The following GTPBP10 variants were observed in gnomAD, a reference collection of about 807,000 sequenced individuals.
The protein encoded by GTPBP10 is GTP binding protein 10, also known as GTP-binding protein 10.
In GTPBP10, 38 loss-of-function variants were observed where a neutral mutation model predicts 44.8. That is an observed-to-expected ratio of 0.85 (90% CI 0.65 to 1.11). The LOEUF (loss-of-function observed/expected upper bound fraction) is 1.11. Among genes scored for constraint, GTPBP10 ranks in the 50% most tolerant of loss-of-function variants. The pLI is 0.00. For synonymous variants in GTPBP10, 152 were observed against 150.6 expected (o/e 1.01, Z -0.07); for missense variants, 462 against 453.7 (o/e 1.02, Z -0.17).
intron 4 of GTPBP10, among the ~76,000 whole-genome samples, chr7:90,359,543 G>A (rs758739678): frequency 3.3e-5 from 5 of 152,120 alleles, no homozygotes; most frequent in Non-Finnish European, 5.9e-5. Context: ...GTCTATCATT[G>A]ATGGACATTT....
rs904855575 is a variant in GTPBP10, at chr7:90,390,829, T to C, written c.*5675T>C. 6.6e-6 allele frequency: 1 copy of C among 152,166 alleles called. No homozygotes were observed. Among genetic ancestry groups the C allele is most frequent in the African/African-American group, 2.4e-5 (1 of 41,452 alleles). The allele number at this position is 152,166 out of a possible 1,614,324, so 9.4% of individuals were successfully genotyped here. ...TGGTATTATTTCTATATAAAAGGCT[T>C]TAAGAAGACTATAGTATAATTTTCT... is the stretch of plus-strand genomic sequence containing the variant. On this transcript the variant is annotated 3_prime_UTR_variant, in exon 10 of 10. Transcript: ENST00000222511.
intron 5 of GTPBP10, among the ~76,000 whole-genome samples, chr7:90,373,457 T>G (rs1796296102): frequency 6.6e-6 from 1 of 152,290 alleles, no homozygotes; most frequent in Non-Finnish European, 1.5e-5. Flanking sequence ...CAGAATGCCA[T>G]TAACTTGGAA....
At chr7:90,377,436 T>C (rs947709902) in intron 6 of GTPBP10, 71 bp from the exon 7 acceptor site, 2 of 958,542 alleles carry the variant, frequency 2.1e-6, no homozygotes, top group African/African-American at 3.3e-5. Context: ...ATCTTAAAAA[T>C]TTTGGGATGT....
chr7:90,346,771 A>T lies in GTPBP10; in HGVS notation c.30A>T (p.Arg10Ser), dbSNP rs778015705. The T allele has an allele frequency of 6.2e-7, 1 of 1,614,160 alleles. No homozygotes were observed. The highest frequency in any genetic ancestry group is 1.1e-5 in the South Asian group (1 of 91,078). The change falls in exon 1 of 10, where the codon AGA (arginine) becomes AGT (serine). Residue 10 changes from arginine (R) to serine (S), a missense_variant. Physicochemically the swap from Arg to Ser is moderately radical, Grantham distance 110. Transcript: ENST00000222511. MVHCSCVLFRKYGNFIDKLR... is the reference protein window; with the variant it reads MVHCSCVLFSKYGNFIDKLR... Reference sequence around the variant, plus strand: ...TGCATTGCAGTTGCGTGTTGTTCAGAAAGGTCCGTGCGGGTCCCCTCAGCC... The same window carrying T: ...TGCATTGCAGTTGCGTGTTGTTCAGTAAGGTCCGTGCGGGTCCCCTCAGCC...
At chr7:90,367,396 T>C (rs943840809) in intron 4 of GTPBP10, among the ~76,000 whole-genome samples, 1 of 152,148 alleles carries the variant, frequency 6.6e-6, no homozygotes, top group African/African-American at 2.4e-5. Context: ...AGTCTCCCAT[T>C]ATTATTGTGT....
chr7:90,370,228 A>G (rs1184377006), intron 4 of GTPBP10, among the ~76,000 whole-genome samples: 1 of 152,184 alleles, frequency 6.6e-6, no homozygotes, highest in Non-Finnish European at 1.5e-5. Context: ...AAAAGAAGTC[A>G]TTATATTAAA....
chr7:90,376,639 C>T (rs1473998544), intron 6 of GTPBP10, among the ~76,000 whole-genome samples: 1 of 152,182 alleles, frequency 6.6e-6, no homozygotes, highest in Non-Finnish European at 1.5e-5. Flanking sequence ...GAGAATCACA[C>T]CTCTATTAAT....
rs985764437 is a variant in GTPBP10 at position 90,385,683 on chromosome 7, C to T, written c.*529C>T. 1 of 151,740 alleles carries T rather than the reference C, an allele frequency of 6.6e-6. No individual in the cohort carries two copies. The highest frequency in any genetic ancestry group is 2.4e-5 in the African/African-American group (1 of 41,290). The allele number at this position is 151,740 out of a possible 1,614,324, so 9.4% of individuals were successfully genotyped here. A position where few individuals can be genotyped will look rare whatever the true frequency, so the allele number is the denominator to read the frequency against. On this transcript the variant is annotated 3_prime_UTR_variant, in exon 10 of 10. Coordinates refer to ENST00000222511, the MANE Select transcript of GTPBP10 (RefSeq NM_033107.4). Reference sequence around the variant, plus strand: ...ACAGATCTTTTTTTTAGTATTATTACCTTCTGATATATGTGTCATTATTGA... The same window carrying T: ...ACAGATCTTTTTTTTAGTATTATTATCTTCTGATATATGTGTCATTATTGA...
chr7:90,387,005 A>T lies in GTPBP10; in HGVS notation c.*1851A>T, dbSNP rs1796535507. On this transcript the variant is annotated 3_prime_UTR_variant, in exon 10 of 10. Transcript: ENST00000222511. ...GAATTCATTATATAAATTTTTTCCA[A>T]CTTAGTGTTTTTTTACATAATAGTA... The T allele has an allele frequency of 6.6e-6, 1 of 152,150 alleles. No homozygotes were observed. Among genetic ancestry groups the T allele is most frequent in the African/African-American group, 2.4e-5 (1 of 41,442 alleles). The allele number at this position is 152,150 out of a possible 1,614,324, so 9.4% of individuals were successfully genotyped here.
intron 4 of GTPBP10, among the ~76,000 whole-genome samples, chr7:90,366,371 C>T (rs948014765): frequency 3.9e-5 from 6 of 152,102 alleles, no homozygotes; most frequent in African/African-American, 1.4e-4. Flanking sequence ...CCTCTTTGTA[C>T]CTCTGGTAGA....
intron 1 of GTPBP10, chr7:90,347,501 GAA>G (rs969290647): frequency 2.2e-6 from 1 of 458,148 alleles, no homozygotes; most frequent in Non-Finnish European, 2.9e-6. Context: ...CAACTTTCTT[GAA>G]AAAAAAATCC....
intron 1 of GTPBP10, 87 bp from the exon 2 acceptor site, chr7:90,352,729 G>T (rs182023563): frequency 9.7e-7 from 1 of 1,033,622 alleles, no homozygotes; most frequent in East Asian, 2.7e-5. Flanking sequence ...TTTTTTAGAA[G>T]AAGTTTTAGT....
At position 90,390,893 on chromosome 7, in the gene GTPBP10, C is replaced by T. The variant is rs537171321; in HGVS notation, c.*5739C>T. Reference sequence around the variant, plus strand: ...ATGATTATAAGCTAAAATATGCCTTCGGTTTTGTGTGCTACAAATTGAGGG... The same window carrying T: ...ATGATTATAAGCTAAAATATGCCTTTGGTTTTGTGTGCTACAAATTGAGGG... On this transcript the variant is annotated 3_prime_UTR_variant, in exon 10 of 10. Transcript: ENST00000222511. 1.3e-5 allele frequency: 2 copies of T among 152,178 alleles called. No individual in the cohort carries two copies. The highest frequency in any genetic ancestry group is 2.1e-4 in the South Asian group (1 of 4,816). 9.4% of individuals were successfully genotyped at this position (152,178 alleles called of 1,614,324 possible).
chr7:90,380,861 T>A (rs1364621985), intron 8 of GTPBP10, among the ~76,000 whole-genome samples: 2 of 152,212 alleles, frequency 1.3e-5, no homozygotes, highest in African/African-American at 4.8e-5. Flanking sequence ...CTTTTAAGAT[T>A]CCACATATAA....
intron 7 of GTPBP10, 34 bp downstream of exon 7, chr7:90,377,648 T>A: frequency 1.5e-6 from 2 of 1,354,038 alleles, no homozygotes; most frequent in South Asian, 1.4e-5. Context: ...GATATTCAAA[T>A]AAATTGAAAA....
intron 4 of GTPBP10, among the ~76,000 whole-genome samples, chr7:90,359,374 G>A (rs969000684): frequency 1.6e-4 from 24 of 151,814 alleles, no homozygotes; most frequent in Admixed American, 2.0e-4. Context: ...TCCCACTTAA[G>A]AGTGAGAACA....
At chr7:90,353,836 T>TC (rs1795842797) in intron 2 of GTPBP10, among the ~76,000 whole-genome samples, 1 of 150,880 alleles carries the variant, frequency 6.6e-6, no homozygotes, top group Non-Finnish European at 1.5e-5. Context: ...CATTTTTTCT[T>TC]TTTTTTTTGA....
chr7:90,368,415 C>G (rs1012153494), intron 4 of GTPBP10, among the ~76,000 whole-genome samples: 3 of 152,210 alleles, frequency 2.0e-5, no homozygotes, highest in Admixed American at 6.5e-5. Context: ...CTTTCAGGTA[C>G]AGTACACTAA....
intron 2 of GTPBP10, among the ~76,000 whole-genome samples, chr7:90,354,034 A>T (rs532695932): frequency 9.6e-4 from 146 of 152,016 alleles, no homozygotes; most frequent in African/African-American, 3.2e-3. Flanking sequence ...GGGTCGTGCT[A>T]TGGTGTTCAG....
Sources: allele counts gnomAD v4.1 joint callset (sites outside exome capture counted in the v4.1 genomes callset), GRCh38; gene constraint gnomAD v4.1.1; transcripts MANE v1.5; gene names NCBI Gene and HGNC (gene_info 2026-07-23, HGNC 2026-07-21).